Variants in FSTL5 observed in about 807,000 individuals in gnomAD.
The protein encoded by FSTL5 is follistatin like 5, also known as follistatin-related protein 5.
A neutral mutation model predicts 89.1 loss-of-function variants in FSTL5; 62 were observed. That is an observed-to-expected ratio of 0.70 (90% CI 0.57 to 0.86). The LOEUF is 0.86. FSTL5 is among the 40% of genes least tolerant of loss of function. The pLI is 0.00. For synonymous variants in FSTL5, 383 were observed against 346.2 expected (o/e 1.11, Z -1.18); for missense variants, 1,057 against 1,001.6 (o/e 1.06, Z -0.75).
At chr4:161,527,289 C>A (rs1343484982) in intron 10 of FSTL5, among the ~76,000 whole-genome samples, 1 of 151,956 alleles carries the variant, frequency 6.6e-6, no homozygotes, top group East Asian at 1.9e-4. Flanking sequence ...CCAAAATTGA[C>A]AAATGGGATC....
chr4:161,877,837 GT>G (rs1265230617), intron 4 of FSTL5, among the ~76,000 whole-genome samples: 4 of 151,202 alleles, frequency 2.6e-5, no homozygotes, highest in Non-Finnish European at 5.9e-5. Context: ...TATATTTTCA[GT>G]AGAGACGGGG....
intron 2 of FSTL5, among the ~76,000 whole-genome samples, chr4:162,106,266 G>C (rs1731222242): frequency 6.6e-6 from 1 of 152,308 alleles, no homozygotes; most frequent in Non-Finnish European, 1.5e-5. Flanking sequence ...GTTGGACATA[G>C]TAGTATCTGG....
intron 4 of FSTL5, among the ~76,000 whole-genome samples, chr4:161,899,043 T>G (rs190936750): frequency 2.0e-5 from 3 of 152,100 alleles, no homozygotes; most frequent in Non-Finnish European, 2.9e-5. Flanking sequence ...CCTCATACCA[T>G]ATCCTCTTGA....
intron 3 of FSTL5, among the ~76,000 whole-genome samples, chr4:162,013,317 G>T (rs1736823709): frequency 6.6e-6 from 1 of 152,164 alleles, no homozygotes; most frequent in Admixed American, 6.6e-5. Context: ...AGGAAGTGGA[G>T]ATTAGATGGA....
intron 7 of FSTL5, among the ~76,000 whole-genome samples, chr4:161,596,492 T>A (rs1328150754): frequency 6.6e-6 from 1 of 151,914 alleles, no homozygotes. Context: ...AATTTAATTA[T>A]ATTTTATTAA....
At chr4:161,989,026 G>A (rs909088439) in intron 3 of FSTL5, among the ~76,000 whole-genome samples, 3 of 152,134 alleles carry the variant, frequency 2.0e-5, no homozygotes, top group Non-Finnish European at 4.4e-5. Flanking sequence ...ATGTGACAGT[G>A]ACCTTCATGT....
intron 1 of FSTL5, among the ~76,000 whole-genome samples, chr4:162,155,675 A>G (rs966696693): frequency 1.3e-5 from 2 of 152,342 alleles, no homozygotes; most frequent in Admixed American, 6.5e-5. Flanking sequence ...CTCTTAAACT[A>G]TAAGAACTTT....
intron 8 of FSTL5, among the ~76,000 whole-genome samples, chr4:161,555,513 G>A (rs1469690618): frequency 6.6e-6 from 1 of 151,494 alleles, no homozygotes; most frequent in African/African-American, 2.4e-5. Context: ...ATCTAATTTA[G>A]AGATCAGGAG....
chr4:161,706,132 C>A (rs999745158), intron 6 of FSTL5, among the ~76,000 whole-genome samples: 2 of 150,348 alleles, frequency 1.3e-5, no homozygotes, highest in South Asian at 4.2e-4. Context: ...CAATGACGAA[C>A]AAGTAAAAAA....
At chr4:161,490,920 A>G (rs955602100) in intron 12 of FSTL5, among the ~76,000 whole-genome samples, 3 of 54,538 alleles carry the variant, frequency 5.5e-5, no homozygotes, top group African/African-American at 2.0e-4. Context: ...ACCATAAAAA[A>G]GATTTGTTTT....
intron 7 of FSTL5, among the ~76,000 whole-genome samples, chr4:161,648,742 A>C (rs935137297): frequency 3.3e-5 from 5 of 152,130 alleles, no homozygotes; most frequent in Non-Finnish European, 7.4e-5. Context: ...CATACAATCT[A>C]TGCACTGAAG....
intron 4 of FSTL5, among the ~76,000 whole-genome samples, chr4:161,888,090 T>C (rs1242389702): frequency 6.6e-6 from 1 of 151,946 alleles, no homozygotes. Context: ...CTTGGGTATG[T>C]TTTTATAGCA....
intron 2 of FSTL5, among the ~76,000 whole-genome samples, chr4:162,068,000 A>G (rs897759462): frequency 6.6e-6 from 1 of 152,096 alleles, no homozygotes; most frequent in Non-Finnish European, 1.5e-5. Flanking sequence ...AGGGAAGTGA[A>G]GGCCCTCTTC....
At chr4:161,871,362 T>A (rs2314270) in intron 4 of FSTL5, among the ~76,000 whole-genome samples, 130,111 of 151,990 alleles carry the variant, frequency 0.86, 56,864 homozygotes, top group East Asian at 0.98. Context: ...AGTTTTTGAG[T>A]CTGTTTTGTA....
At chr4:161,777,873 C>A (rs1252907814) in intron 4 of FSTL5, among the ~76,000 whole-genome samples, 3 of 152,110 alleles carry the variant, frequency 2.0e-5, no homozygotes, top group Non-Finnish European at 4.4e-5. Context: ...GCAGGGGAAT[C>A]ACCTGAGGTC....
At chr4:161,442,498 TTC>T (rs1293366180) in intron 15 of FSTL5, among the ~76,000 whole-genome samples, 2 of 152,110 alleles carry the variant, frequency 1.3e-5, no homozygotes, top group East Asian at 1.9e-4. Context: ...TAACTGGCAA[TTC>T]TCTGTGTCCA....
chr4:161,739,996 CTATT>C (rs141804950), intron 6 of FSTL5, among the ~76,000 whole-genome samples: 3,039 of 149,458 alleles, frequency 0.02, 32 homozygotes, highest in Middle Eastern at 0.035. Context: ...AGGATAGTAT[CTATT>C]TATTTATTTA....
At chr4:161,992,898 GTGTGTGTATATATA>G (rs1736165425) in intron 3 of FSTL5, among the ~76,000 whole-genome samples, 2 of 14,116 alleles carry the variant, frequency 1.4e-4, no homozygotes, top group Admixed American at 1.2e-3. Context: ...ATATATATAT[GTGTGTGTATATATA>G]TATATATATA....
At chr4:161,739,578 A>C (rs935188634) in intron 6 of FSTL5, among the ~76,000 whole-genome samples, 2 of 152,228 alleles carry the variant, frequency 1.3e-5, no homozygotes, top group African/African-American at 4.8e-5. Context: ...TATTTGGACA[A>C]AGCTGTCTTA....
Sources: allele counts gnomAD v4.1 joint callset (sites outside exome capture counted in the v4.1 genomes callset), GRCh38; gene constraint gnomAD v4.1.1; transcripts MANE v1.5; gene names NCBI Gene and HGNC (gene_info 2026-07-23, HGNC 2026-07-21).